The following YARS1 variants were observed in gnomAD, a reference collection of about 807,000 sequenced individuals.
The protein encoded by YARS1 is tyrosyl-tRNA synthetase 1, also known as tyrosine--tRNA ligase, cytoplasmic.
In YARS1, 36 loss-of-function variants were observed where a neutral mutation model predicts 62.2. The observed-to-expected ratio is 0.58, with a 90% CI of 0.44 to 0.76. YARS1 has a LOEUF of 0.76. Ranked by LOEUF, YARS1 falls within the 30% of genes least tolerant of loss-of-function variation. The probability of loss-of-function intolerance (pLI) is 0.00; values close to 1 mark genes in which losing one functional copy is unlikely to be tolerated. For missense variants in YARS1, 524 were observed against 639.8 expected, an observed-to-expected ratio of 0.82 and a Z score of 1.95; for synonymous variants, 234 against 244.9, an observed-to-expected ratio of 0.96 and a Z score of 0.42.
intron 8 of YARS1, among the ~76,000 whole-genome samples, chr1:32,785,133 G>A (rs1375709854): frequency 2.6e-5 from 4 of 152,148 alleles, no homozygotes; most frequent in African/African-American, 7.2e-5. Context: ...CCTCATCAAA[G>A]CCATTAACAA....
At chr1:32,803,733 T>C (rs1014528762) in intron 4 of YARS1, among the ~76,000 whole-genome samples, 2 of 152,130 alleles carry the variant, frequency 1.3e-5, no homozygotes, top group African/African-American at 2.4e-5. Context: ...CTGCTTCACC[T>C]TGCACTTTTT....
rs141323599 is a variant in YARS1 at position 32,782,431 on chromosome 1, C to T, written c.1015G>A (p.Ala339Thr). 3,037 of 1,614,024 alleles carry T rather than the reference C, an allele frequency of 1.9e-3. 36 individuals are homozygous for T. Among genetic ancestry groups the T allele is most frequent in the South Asian group, 0.016 (1,495 of 91,070 alleles). ...TGCTTTGAGGGATCTGGGTAGGCAGCGCTGGCCAGTTTTTTCAGGGCAGGG... is the reference window on the plus strand; with the variant it reads ...TGCTTTGAGGGATCTGGGTAGGCAGTGCTGGCCAGTTTTTTCAGGGCAGGG... ...NTPALKKLAS[A>T]AYPDPSKQKP... Residue 339 changes from alanine (A) to threonine (T), a missense_variant, in exon 9 of 13, where the codon GCT becomes ACT. Coordinates refer to ENST00000373477, the MANE Select transcript of YARS1 (RefSeq NM_003680.4).
At chr1:32,799,465 T>C (rs550209116) in intron 4 of YARS1, among the ~76,000 whole-genome samples, 42 of 152,166 alleles carry the variant, frequency 2.8e-4, no homozygotes, top group South Asian at 1.5e-3. Context: ...AAAGTCTAAG[T>C]GAGAAATATC....
chr1:32,796,672 T>C (rs1159596471), intron 5 of YARS1, among the ~76,000 whole-genome samples: 1 of 151,628 alleles, frequency 6.6e-6, no homozygotes, highest in Non-Finnish European at 1.5e-5. Flanking sequence ...CCTCAAAAAA[T>C]TTATATTGTG....
rs1393555312 is a variant in YARS1 at position 32,779,383 on chromosome 1, T to A, written c.1475A>T (p.Gln492Leu). 6.2e-7 allele frequency: 1 copy of A among 1,614,142 alleles called. No individual in the cohort carries two copies. The highest frequency in any genetic ancestry group is 2.2e-5 in the East Asian group (1 of 44,894). The change falls in exon 12 of 13, where the codon CAG (glutamine) becomes CTG (leucine). Residue 492 changes from glutamine (Q) to leucine (L), a missense_variant and splice_region_variant. Gln to Leu is a moderately radical substitution (Grantham distance 113). Coordinates refer to ENST00000373477, the MANE Select transcript of YARS1 (RefSeq NM_003680.4). ...AAGGGAACAATTACAGCTTTTTACC[T>A]GCAACTTCTCGAAGACTTTCTTCTT... ...KPKKKVFEKL[Q>L]ADFKISEECI...
intron 4 of YARS1, among the ~76,000 whole-genome samples, chr1:32,805,264 GGAGAGGGAGAGAGGGA>G (rs777807658): frequency 2.4e-4 from 10 of 42,340 alleles, no homozygotes; most frequent in African/African-American, 6.9e-4. Flanking sequence ...GGGGAGAGGG[GGAGAGGGAGAGAGGGA>G]GAGAGGGAGA....
chr1:32,781,794 AG>A lies in YARS1; in HGVS notation c.1042+609del, dbSNP rs547192078. On this transcript the variant is annotated intron_variant, in intron 9 of 12. Transcript: ENST00000373477. ...ACCCTATATACCGGTTGGGTATAATAGGTCTAATCTAATTTCTATCATTTTT... is the reference window on the plus strand; with the variant it reads ...ACCCTATATACCGGTTGGGTATAATAGTCTAATCTAATTTCTATCATTTTT... 5.1e-3 allele frequency: 831 copies of A among 162,304 alleles called. 8 individuals carry two copies. The highest frequency in any genetic ancestry group is 0.019 in the African/African-American group (783 of 41,516). 10.1% of individuals were successfully genotyped at this position (162,304 alleles called of 1,614,324 possible).
chr1:32,804,779 T>C (rs887721750), intron 4 of YARS1, among the ~76,000 whole-genome samples: 7 of 147,376 alleles, frequency 4.7e-5, no homozygotes, highest in Non-Finnish European at 8.9e-5. Flanking sequence ...GCTCCTCACA[T>C]CCCAGACGAT....
rs1308208620 is a variant in YARS1, at chr1:32,776,845, T to C, written c.1477-754A>G. On this transcript the variant is annotated intron_variant, in intron 12 of 12. Transcript: ENST00000373477. This position sits in a 1 kb window ranked among gnomAD's most constrained non-coding sequence, Gnocchi z 4.0. ...GCCGGGTGTGGTGGTGGGGCGCCTG[T>C]AGTCCCAGCTACTCAGAAGGCTGAG... 6.6e-6 allele frequency among the ~76,000 whole-genome samples: 1 copy of C among 151,864 alleles called. No homozygotes were observed. The highest frequency in any genetic ancestry group is 2.1e-4 in the South Asian group (1 of 4,802).
intron 4 of YARS1, among the ~76,000 whole-genome samples, chr1:32,803,485 G>A (rs936024744): frequency 6.6e-6 from 1 of 152,034 alleles, no homozygotes; most frequent in African/African-American, 2.4e-5. Flanking sequence ...AATGAGCATT[G>A]GCTTCAACTT....
chr1:32,787,168 C>T, intron 6 of YARS1, 93 bp from the exon 7 acceptor site: 2 of 1,492,384 alleles, frequency 1.3e-6, no homozygotes, highest in Non-Finnish European at 9.1e-7. Flanking sequence ...TCTTCTCTGT[C>T]ACCCAGGCTG....
Position 32,775,914 on chromosome 1 carries a change from G to C in YARS1, c.*67C>G. 1 of 1,381,726 alleles carries C rather than the reference G, an allele frequency of 7.2e-7. No individual in the cohort carries two copies. Among genetic ancestry groups the C allele is most frequent in the Non-Finnish European group, 1.0e-6 (1 of 970,916 alleles). The allele number at this position is 1,381,726 out of a possible 1,614,324, so 85.6% of individuals were successfully genotyped here. ...CTGAGAGATGGGTAAATGGGTGATG[G>C]ATGGAGCAGACTGAAGAGACAGCAG... is the stretch of plus-strand genomic sequence containing the variant. On this transcript the variant is annotated 3_prime_UTR_variant, in exon 13 of 13. Coordinates refer to ENST00000373477, the MANE Select transcript of YARS1 (RefSeq NM_003680.4).
In YARS1 at chr1:32,782,476, T is replaced by C. The variant is rs1319383238; in HGVS notation, c.970A>G (p.Ile324Val). 7 of 1,614,118 alleles carry C rather than the reference T, an allele frequency of 4.3e-6. No individual in the cohort carries two copies. The South Asian group carries it at 4.4e-5, about 10-fold the overall frequency. The change falls in exon 9 of 13, where the codon ATC (isoleucine) becomes GTC (valine). Residue 324 changes from isoleucine (I) to valine (V), a missense_variant. Coordinates refer to ENST00000373477, the MANE Select transcript of YARS1 (RefSeq NM_003680.4). ...GCAGGGGTATTAAACTTTTCCCGGA[T>C]TGGATCCAGCAACTTGTTCAGTGCG... Reference protein sequence around the residue: ...EVALNKLLDPIREKFNTPALK... With the variant: ...EVALNKLLDPVREKFNTPALK...
In YARS1 at chr1:32,781,106, T is replaced by A. The variant is rs61737106; in HGVS notation, c.1082A>T (p.Glu361Val). The part of the protein sequence containing the change: ...AKGPAKNSEP[E>V]EVIPSRLDIR... ...ATCCAGCCGGGATGGGATGACCTCC[T>A]CTGGTTCTGAATTCTTGGCAGGGCC... Residue 361 changes from glutamate to valine, a missense_variant, in exon 10 of 13, where the codon GAG becomes GTG. Glu to Val is a moderately radical substitution (Grantham distance 121, BLOSUM62 -2). Coordinates refer to ENST00000373477, the MANE Select transcript of YARS1 (RefSeq NM_003680.4). 872 of 1,614,218 alleles carry A rather than the reference T, an allele frequency of 5.4e-4. 9 individuals carry two copies. The African/African-American group carries it at 0.011, about 20-fold the overall frequency.
intron 9 of YARS1, 182 bp downstream of exon 9, chr1:32,782,222 G>A (rs1278097313): frequency 2.2e-6 from 2 of 928,466 alleles, no homozygotes; most frequent in Admixed American, 2.2e-5. Context: ...ATCACTTCCT[G>A]ATGTTAACCA....
intron 8 of YARS1, among the ~76,000 whole-genome samples, chr1:32,785,234 C>A (rs181846054): frequency 1.3e-5 from 2 of 152,082 alleles, no homozygotes; most frequent in Non-Finnish European, 2.9e-5. Flanking sequence ...CCGAGGCAGG[C>A]GGATCACCTG....
chr1:32,777,257 G>C (rs537344176), intron 12 of YARS1, among the ~76,000 whole-genome samples: 2 of 151,924 alleles, frequency 1.3e-5, no homozygotes, highest in East Asian at 4.0e-4. Context: ...TCGAACTCCC[G>C]CCCTCAGGTG....
intron 1 of YARS1, among the ~76,000 whole-genome samples, chr1:32,813,650 C>A (rs1638634270): frequency 6.6e-6 from 1 of 152,082 alleles, no homozygotes; most frequent in Non-Finnish European, 1.5e-5. Context: ...ATGCCTCTAA[C>A]TCACTCTCCT....
intron 5 of YARS1, among the ~76,000 whole-genome samples, chr1:32,791,581 C>T (rs979579751): frequency 6.6e-6 from 1 of 152,102 alleles, no homozygotes; most frequent in Admixed American, 6.6e-5. Flanking sequence ...GTGGGTGGAT[C>T]ACCTAAGGTT....
Sources: gnomAD v4.1 joint callset for allele counts (sites outside exome capture counted in the v4.1 genomes callset) on GRCh38, gnomAD v4.1.1 for gene constraint, Gnocchi (gnomAD v3.1) non-coding constraint, MANE v1.5 for transcripts, NCBI Gene and HGNC (gene_info 2026-07-23, HGNC 2026-07-21) for gene names.